RIMS2: variants seen among roughly 807,000 people sequenced by gnomAD.
The protein encoded by RIMS2 is regulating synaptic membrane exocytosis protein 2.
A neutral mutation model predicts 174.4 loss-of-function variants in RIMS2; 59 were observed. The ratio of observed to expected loss-of-function variants is 0.34; its 90% CI spans 0.27 to 0.42. The LOEUF is 0.42. Ranked by LOEUF, RIMS2 falls within the 10% of genes least tolerant of loss-of-function variation. The pLI, the probability that RIMS2 is intolerant of heterozygous loss-of-function variation, is 1.00. For missense variants in RIMS2, 1,620 were observed against 1,666.3 expected, an observed-to-expected ratio of 0.97 and a Z score of 0.48; for synonymous variants, 606 against 572.5, an observed-to-expected ratio of 1.06 and a Z score of -0.84.
At chr8:103,527,292 G>C (rs1021830901) in intron 1 of RIMS2, among the ~76,000 whole-genome samples, 2 of 152,156 alleles carry the variant, frequency 1.3e-5, no homozygotes, top group African/African-American at 4.8e-5. Flanking sequence ...AAGACCCCTT[G>C]CAGATACCCA....
At chr8:104,210,936 T>A (rs926068571) in intron 19 of RIMS2, among the ~76,000 whole-genome samples, 1 of 152,266 alleles carries the variant, frequency 6.6e-6, no homozygotes, top group East Asian at 1.9e-4. Context: ...TGCAATCTTA[T>A]GTCTGTTGAA....
At chr8:104,125,062 G>A (rs1212088022) in intron 19 of RIMS2, among the ~76,000 whole-genome samples, 1 of 152,106 alleles carries the variant, frequency 6.6e-6, no homozygotes, top group Non-Finnish European at 1.5e-5. Flanking sequence ...AAGAGAATCA[G>A]CGGTAGAGGA....
chr8:104,001,553 G>A (rs2095389965), intron 17 of RIMS2, among the ~76,000 whole-genome samples: 2 of 151,806 alleles, frequency 1.3e-5, no homozygotes, highest in Admixed American at 6.6e-5. Context: ...TTATATCCTT[G>A]TGCCTCTTTC....
At chr8:104,021,100 T>A (rs1214122155) in intron 19 of RIMS2, among the ~76,000 whole-genome samples, 1 of 152,050 alleles carries the variant, frequency 6.6e-6, no homozygotes, top group Non-Finnish European at 1.5e-5. Flanking sequence ...AAATAAGTAG[T>A]TTTATGCTTC....
intron 19 of RIMS2, among the ~76,000 whole-genome samples, chr8:104,128,803 G>A (rs1050096693): frequency 5.9e-5 from 9 of 152,164 alleles, no homozygotes; most frequent in Admixed American, 2.6e-4. Flanking sequence ...GTTTTCTTCA[G>A]TATGCTAGAC....
intron 19 of RIMS2, among the ~76,000 whole-genome samples, chr8:104,198,256 G>A (rs1435601834): frequency 5.3e-5 from 8 of 152,160 alleles, no homozygotes; most frequent in African/African-American, 7.2e-5. Flanking sequence ...TGGCAGAGTC[G>A]CAAAAAGAGA....
chr8:104,135,586 C>CCAGAG (rs376559435), intron 19 of RIMS2, among the ~76,000 whole-genome samples: 319 of 134,558 alleles, frequency 2.4e-3, no homozygotes, highest in African/African-American at 8.9e-3. Context: ...AGCCTGGGTG[C>CCAGAG]CAGAGTGAGA....
chr8:104,225,138 G>A (rs988806719), intron 19 of RIMS2, among the ~76,000 whole-genome samples: 3 of 152,062 alleles, frequency 2.0e-5, no homozygotes, highest in African/African-American at 7.2e-5. Context: ...TATTAGTCCG[G>A]CACTGTTCTA....
chr8:103,784,800 G>T (rs2098425575), intron 3 of RIMS2, among the ~76,000 whole-genome samples: 1 of 101,206 alleles, frequency 9.9e-6, no homozygotes, highest in Non-Finnish European at 2.0e-5. Context: ...TTCCAATTCT[G>T]TGAAGAAAGG....
Position 103,835,801 on chromosome 8 carries a change from T to G in RIMS2, c.699-49497T>G, listed in dbSNP as rs2098882732. Reference sequence around the variant, plus strand: ...TGTTGTCCAGTGGCTGATTTGGAACTGTATGTCCTAATTAAATAATCACTG... The same window carrying G: ...TGTTGTCCAGTGGCTGATTTGGAACGGTATGTCCTAATTAAATAATCACTG... On this transcript the variant is annotated intron_variant, in intron 3 of 23. Transcript: ENST00000504942. Among the ~76,000 whole-genome samples, 3 of 152,242 alleles carry G rather than the reference T, an allele frequency of 2.0e-5. No homozygotes were observed. The South Asian group carries it at 6.2e-4, about 31-fold the overall frequency.
At chr8:103,597,699 G>A (rs2094530237) in intron 1 of RIMS2, among the ~76,000 whole-genome samples, 2 of 151,538 alleles carry the variant, frequency 1.3e-5, no homozygotes, top group Admixed American at 1.3e-4. Context: ...ATCTATGATA[G>A]GTAACTATAA....
chr8:104,096,991 A>G (rs1417341178), intron 19 of RIMS2, among the ~76,000 whole-genome samples: 1 of 152,214 alleles, frequency 6.6e-6, no homozygotes, highest in Non-Finnish European at 1.5e-5. Context: ...TTATTGTGAG[A>G]GAAAATATAT....
At chr8:103,844,499 A>G (rs1318677669) in intron 3 of RIMS2, among the ~76,000 whole-genome samples, 1 of 152,094 alleles carries the variant, frequency 6.6e-6, no homozygotes, top group East Asian at 1.9e-4. Flanking sequence ...TCTTTTCTTG[A>G]ACTGTATTTA....
intron 1 of RIMS2, among the ~76,000 whole-genome samples, chr8:103,681,038 A>G (rs1449593795): frequency 6.6e-6 from 1 of 152,060 alleles, no homozygotes; most frequent in African/African-American, 2.4e-5. Context: ...ACGAATTATA[A>G]AGAGCCAACT....
intron 1 of RIMS2, among the ~76,000 whole-genome samples, chr8:103,645,940 G>C (rs1326979590): frequency 2.0e-5 from 3 of 152,138 alleles, no homozygotes; most frequent in Non-Finnish European, 4.4e-5. Context: ...GGTGGGCTGA[G>C]TCTGAAAAGA....
chr8:103,545,982 C>T (rs533904003), intron 1 of RIMS2, among the ~76,000 whole-genome samples: 180 of 152,164 alleles, frequency 1.2e-3, no homozygotes, highest in African/African-American at 3.3e-3. Flanking sequence ...TCAAGTCTGC[C>T]GTAATAACCA....
chr8:104,167,711 G>T (rs1427677687), intron 19 of RIMS2, among the ~76,000 whole-genome samples: 4 of 151,964 alleles, frequency 2.6e-5, no homozygotes, highest in African/African-American at 9.7e-5. Context: ...TGTTTTTGTT[G>T]CATTTGCTTT....
intron 2 of RIMS2, among the ~76,000 whole-genome samples, chr8:103,756,435 T>C (rs1159019218): frequency 2.2e-5 from 3 of 138,120 alleles, no homozygotes; most frequent in Non-Finnish European, 4.8e-5. Context: ...TTCTTTTCTT[T>C]CTTTTTTTTT....
intron 1 of RIMS2, among the ~76,000 whole-genome samples, chr8:103,648,825 A>G (rs1321597228): frequency 6.6e-6 from 1 of 152,000 alleles, no homozygotes. Context: ...TTTTGGGCCT[A>G]TGTGTGTCTT....
Sources: allele counts gnomAD v4.1 joint callset (sites outside exome capture counted in the v4.1 genomes callset), GRCh38; gene constraint gnomAD v4.1.1; transcripts MANE v1.5; gene names NCBI Gene and HGNC (gene_info 2026-07-23, HGNC 2026-07-21).